Variants in TMEM135 observed in about 807,000 individuals in gnomAD.
TMEM135 encodes peroxisomal membrane protein 52.
A neutral mutation model predicts 60.3 loss-of-function variants in TMEM135; 30 were observed. The ratio of observed to expected loss-of-function variants is 0.50; its 90% CI spans 0.37 to 0.68. TMEM135 has a LOEUF of 0.68. Ranked by LOEUF, TMEM135 falls within the 30% of genes least tolerant of loss-of-function variation. TMEM135 has a pLI of 0.00. For synonymous variants in TMEM135, 190 were observed against 186.7 expected, an observed-to-expected ratio of 1.02 and a Z score of -0.14; for missense variants, 468 against 548.8, an observed-to-expected ratio of 0.85 and a Z score of 1.47.
intron 6 of TMEM135, among the ~76,000 whole-genome samples, chr11:87,288,515 T>C (rs1054011338): frequency 6.6e-6 from 1 of 152,208 alleles, no homozygotes; most frequent in Non-Finnish European, 1.5e-5. Flanking sequence ...GTGAGATCAT[T>C]TCTCTTTTTA....
chr11:87,220,999 C>G (rs1940606617), intron 5 of TMEM135, among the ~76,000 whole-genome samples: 1 of 152,046 alleles, frequency 6.6e-6, no homozygotes, highest in Non-Finnish European at 1.5e-5. Context: ...CGTTGCTATG[C>G]TATTGCTACT....
In TMEM135 at chr11:87,327,597, C is replaced by T. The variant is rs1449763178; in HGVS notation, c.*6264C>T. ...TATGAGAGGGGATTAAGGGAGTTGG[C>T]TCATGTGATTGTGGAGGCTGAGAAA... is the stretch of plus-strand genomic sequence containing the variant. On this transcript the variant is annotated 3_prime_UTR_variant, in exon 15 of 15. Coordinates refer to ENST00000305494, the MANE Select transcript of TMEM135 (RefSeq NM_022918.4). 4.4e-6 allele frequency: 2 copies of T among 452,702 alleles called. No homozygotes were observed. Among genetic ancestry groups the T allele is most frequent in the African/African-American group, 2.0e-5 (1 of 49,834 alleles). The allele number at this position is 452,702 out of a possible 1,614,324, so 28.0% of individuals were successfully genotyped here. A position where few individuals can be genotyped will look rare whatever the true frequency, so the allele number is the denominator to read the frequency against.
At chr11:87,039,064 C>A (rs1291547336) in intron 1 of TMEM135, among the ~76,000 whole-genome samples, 1 of 152,124 alleles carries the variant, frequency 6.6e-6, no homozygotes, top group Admixed American at 6.5e-5. Flanking sequence ...GAAGACAGAT[C>A]ATATTTTTTG....
intron 6 of TMEM135, among the ~76,000 whole-genome samples, chr11:87,244,996 A>C (rs1363598621): frequency 6.6e-6 from 1 of 151,436 alleles, no homozygotes; most frequent in Non-Finnish European, 1.5e-5. Context: ...TTAGTGCTAT[A>C]AATTTCCCTC....
chr11:87,241,104 T>G (rs972155657), intron 6 of TMEM135, among the ~76,000 whole-genome samples: 1 of 152,148 alleles, frequency 6.6e-6, no homozygotes, highest in East Asian at 1.9e-4. Context: ...TAAATGATTT[T>G]ATTAGTCTCA....
intron 4 of TMEM135, among the ~76,000 whole-genome samples, chr11:87,147,673 C>T (rs1379676971): frequency 6.6e-6 from 1 of 152,164 alleles, no homozygotes; most frequent in Non-Finnish European, 1.5e-5. Flanking sequence ...CACAAAAGTC[C>T]AATCCAGAAG....
chr11:87,116,686 TATC>T (rs1857892828), intron 4 of TMEM135, among the ~76,000 whole-genome samples: 1 of 151,952 alleles, frequency 6.6e-6, no homozygotes, highest in Non-Finnish European at 1.5e-5. Flanking sequence ...ACCTCAAAGA[TATC>T]ATGGGTTTGG....
chr11:87,230,328 A>T (rs967701524), intron 5 of TMEM135, among the ~76,000 whole-genome samples: 4 of 152,088 alleles, frequency 2.6e-5, no homozygotes, highest in Non-Finnish European at 4.4e-5. Context: ...ACTTTTTTTA[A>T]AAAAAGTGAA....
chr11:87,259,407 C>T (rs1941597255), intron 6 of TMEM135: 4 of 234,912 alleles, frequency 1.7e-5, no homozygotes, highest in South Asian at 6.2e-5. Context: ...TGTGTGTACG[C>T]GTGTAGAGCG....
At chr11:87,317,972 G>A (rs929661993) in intron 12 of TMEM135, among the ~76,000 whole-genome samples, 165 bp from the exon 13 acceptor site, 2 of 152,130 alleles carry the variant, frequency 1.3e-5, no homozygotes, top group African/African-American at 4.8e-5. Flanking sequence ...GTGAGGGAAA[G>A]GGAAGGGCTG....
At chr11:87,109,828 C>CT (rs35216554) in intron 4 of TMEM135, among the ~76,000 whole-genome samples, 68,636 of 149,958 alleles carry the variant, frequency 0.46, 16,421 homozygotes, top group East Asian at 0.68. Context: ...AGCACCAACT[C>CT]TTTTTTTTTT....
Position 87,323,388 on chromosome 11 carries a change from G to A in TMEM135, c.*2055G>A, listed in dbSNP as rs1185104203. On this transcript the variant is annotated 3_prime_UTR_variant, in exon 15 of 15. Transcript: ENST00000305494. ...ATTTCATTGGGACAGACTGCAAAGT[G>A]TAGTTGTTTGAGCAAACACAAAGAA... The A allele has an allele frequency of 4.4e-6, 2 of 454,022 alleles. No homozygotes were observed. Among genetic ancestry groups the A allele is most frequent in the Non-Finnish European group, 8.8e-6 (2 of 226,746 alleles). The allele number at this position is 454,022 out of a possible 1,614,324, so 28.1% of individuals were successfully genotyped here. A position where few individuals can be genotyped will look rare whatever the true frequency, so the allele number is the denominator to read the frequency against.
intron 5 of TMEM135, among the ~76,000 whole-genome samples, chr11:87,219,489 GGAGAGTGA>G (rs1940572523): frequency 1.3e-5 from 2 of 152,050 alleles, no homozygotes; most frequent in Admixed American, 1.3e-4. Flanking sequence ...AGAGAGCCAG[GGAGAGTGA>G]GAGAGTGAGA....
At chr11:87,183,652 A>G (rs966955585) in intron 5 of TMEM135, among the ~76,000 whole-genome samples, 2 of 151,920 alleles carry the variant, frequency 1.3e-5, no homozygotes, top group Non-Finnish European at 2.9e-5. Context: ...TACTTTCTAT[A>G]TGCTATGTGT....
At chr11:87,127,038 A>C (rs1937754229) in intron 4 of TMEM135, among the ~76,000 whole-genome samples, 1 of 152,188 alleles carries the variant, frequency 6.6e-6, no homozygotes, top group African/African-American at 2.4e-5. Flanking sequence ...TAACAGCCCT[A>C]GCCTGGTAAA....
chr11:87,287,268 C>T (rs1016128380), intron 6 of TMEM135, among the ~76,000 whole-genome samples: 1 of 152,156 alleles, frequency 6.6e-6, no homozygotes, highest in African/African-American at 2.4e-5. Flanking sequence ...ATTAGATGCT[C>T]AATTAATGTT....
intron 9 of TMEM135, among the ~76,000 whole-genome samples, chr11:87,306,985 C>G (rs934609186): frequency 2.0e-5 from 3 of 152,040 alleles, no homozygotes; most frequent in African/African-American, 7.2e-5. Flanking sequence ...CCTCCCAACA[C>G]TAGGATTACA....
chr11:87,296,630 C>T (rs1396466111), intron 7 of TMEM135, among the ~76,000 whole-genome samples: 1 of 152,130 alleles, frequency 6.6e-6, no homozygotes, highest in Non-Finnish European at 1.5e-5. Context: ...ACCTAATTGT[C>T]TCAAGGTTAT....
chr11:87,085,451 T>C (rs916072213), intron 3 of TMEM135, among the ~76,000 whole-genome samples: 1 of 152,130 alleles, frequency 6.6e-6, no homozygotes, highest in Admixed American at 6.5e-5. Flanking sequence ...AGCAAGTGAA[T>C]TACAGAACTT....
Sources: gnomAD v4.1 joint callset for allele counts (sites outside exome capture counted in the v4.1 genomes callset) on GRCh38, gnomAD v4.1.1 for gene constraint, MANE v1.5 for transcripts, NCBI Gene and HGNC (gene_info 2026-07-23, HGNC 2026-07-21) for gene names.